The following SCN11A variants were observed in gnomAD, a reference collection of about 807,000 sequenced individuals.
SCN11A encodes the protein sodium channel protein type 11 subunit alpha.
Under a neutral mutation model 162.2 loss-of-function variants are expected in SCN11A, and 122 were observed. The ratio of observed to expected loss-of-function variants is 0.75; its 90% CI spans 0.65 to 0.87. SCN11A has a LOEUF of 0.87. SCN11A is among the 40% of genes least tolerant of loss of function. The pLI, the probability that SCN11A is intolerant of heterozygous loss-of-function variation, is 0.00. For synonymous variants in SCN11A, 758 were observed against 751.5 expected (o/e 1.01, Z -0.14); for missense variants, 2,015 against 2,181.6 (o/e 0.92, Z 1.52).
intron 2 of SCN11A, among the ~76,000 whole-genome samples, chr3:39,012,675 A>C (rs7631187): frequency 0.15 from 23,082 of 151,992 alleles, 3,491 homozygotes; most frequent in African/African-American, 0.39. Context: ...GGGTTTCACC[A>C]TGTTGGCCAG....
intron 4 of SCN11A, among the ~76,000 whole-genome samples, chr3:38,951,628 G>A (rs989189789): frequency 1.3e-5 from 2 of 152,274 alleles, no homozygotes; most frequent in African/African-American, 2.4e-5. Flanking sequence ...GTCTGGTGGG[G>A]ACGTGGAGAG....
intron 4 of SCN11A, among the ~76,000 whole-genome samples, chr3:38,951,236 C>G (rs1260800097): frequency 6.6e-6 from 1 of 152,192 alleles, no homozygotes; most frequent in Non-Finnish European, 1.5e-5. Flanking sequence ...TGGCGGGCGC[C>G]GCACTCGGAG....
chr3:38,907,865 A>G, intron 14 of SCN11A, 84 bp downstream of exon 14: 1 of 1,188,894 alleles, frequency 8.4e-7, no homozygotes. Flanking sequence ...AACTGAATAA[A>G]TGAATTATTT....
chr3:38,900,393 G>C (rs761953703), intron 16 of SCN11A, among the ~76,000 whole-genome samples: 12 of 152,108 alleles, frequency 7.9e-5, no homozygotes, highest in Admixed American at 5.2e-4. Flanking sequence ...CAGGGTGACA[G>C]AGTGTCAGGC....
chr3:38,872,052 C>A, intron 24 of SCN11A, 141 bp downstream of exon 24: 2 of 684,666 alleles, frequency 2.9e-6, no homozygotes, highest in Non-Finnish European at 5.3e-6. Context: ...CTCTACCCCT[C>A]AAATTCTAAG....
At chr3:39,025,437 A>G (rs925141565) in intron 2 of SCN11A, among the ~76,000 whole-genome samples, 26 of 152,222 alleles carry the variant, frequency 1.7e-4, no homozygotes, top group Non-Finnish European at 2.8e-4. Context: ...AGCTGGTTAT[A>G]GTTATTGTTA....
intron 19 of SCN11A, among the ~76,000 whole-genome samples, chr3:38,887,310 C>T (rs1227516091): frequency 6.6e-6 from 1 of 151,846 alleles, no homozygotes; most frequent in African/African-American, 2.4e-5. Flanking sequence ...GCCCCTTCAC[C>T]ACATGGGACA....
chr3:38,949,053 G>A (rs956972640), intron 5 of SCN11A, among the ~76,000 whole-genome samples: 3 of 152,220 alleles, frequency 2.0e-5, no homozygotes, highest in Admixed American at 6.5e-5. Flanking sequence ...CCCAATTGAA[G>A]TACATGCAAA....
intron 7 of SCN11A, among the ~76,000 whole-genome samples, chr3:38,932,209 A>G (rs1276936270): frequency 6.6e-6 from 1 of 152,244 alleles, no homozygotes; most frequent in African/African-American, 2.4e-5. Flanking sequence ...TTTATTATTT[A>G]CAACAAGAAG....
intron 4 of SCN11A, among the ~76,000 whole-genome samples, chr3:38,951,022 C>T (rs979634997): frequency 1.3e-5 from 2 of 152,264 alleles, no homozygotes; most frequent in African/African-American, 4.8e-5. Context: ...GCTCTAGGCG[C>T]CTCCTCTGCC....
chr3:39,040,140 A>G (rs759672252), intron 1 of SCN11A, among the ~76,000 whole-genome samples: 1 of 152,200 alleles, frequency 6.6e-6, no homozygotes, highest in Non-Finnish European at 1.5e-5. Context: ...CTGGCCACCA[A>G]TGGACACTTA....
chr3:38,944,935 C>T (rs1468865129), intron 7 of SCN11A, among the ~76,000 whole-genome samples: 2 of 151,554 alleles, frequency 1.3e-5, no homozygotes, highest in African/African-American at 4.9e-5. Context: ...TGCACTCCAG[C>T]CTGGGCAACA....
chr3:38,895,365 T>A (rs1314128054), intron 18 of SCN11A, among the ~76,000 whole-genome samples: 1 of 152,252 alleles, frequency 6.6e-6, no homozygotes, highest in African/African-American at 2.4e-5. Flanking sequence ...TCAAGCCCAA[T>A]GTACAGTCCT....
At chr3:38,901,454 T>C (rs2065697515) in intron 16 of SCN11A, among the ~76,000 whole-genome samples, 1 of 152,212 alleles carries the variant, frequency 6.6e-6, no homozygotes, top group South Asian at 2.1e-4. Flanking sequence ...TTGTATCTCC[T>C]TTAGGCTTTA....
rs2065111797 is a variant in SCN11A at position 38,870,713 on chromosome 3, T to C, written c.3791A>G (p.Tyr1264Cys). The C allele has an allele frequency of 2.5e-6, 4 of 1,613,480 alleles. No individual in the cohort carries two copies. Among genetic ancestry groups the C allele is most frequent in the Non-Finnish European group, 3.4e-6 (4 of 1,179,616 alleles). ...CACCTCTGTGGAATCAACAGCTGCATATATAATATCCATCCAGCCCTTAAA... is the reference window on the plus strand; with the variant it reads ...CACCTCTGTGGAATCAACAGCTGCACATATAATATCCATCCAGCCCTTAAA... ...ATFKGWMDIIYAAVDSTEKEQ... is the reference protein window; with the variant it reads ...ATFKGWMDIICAAVDSTEKEQ... Residue 1264 changes from tyrosine (Y) to cysteine (C), a missense_variant, in exon 26 of 30, where the codon TAT (tyrosine) becomes TGT (cysteine). Coordinates refer to ENST00000302328, the MANE Select transcript of SCN11A (RefSeq NM_001349253.2).
chr3:38,895,547 G>A (rs751506753), intron 18 of SCN11A, among the ~76,000 whole-genome samples: 2 of 152,038 alleles, frequency 1.3e-5, no homozygotes, highest in Admixed American at 6.6e-5. Flanking sequence ...TTCCTACCTG[G>A]GTTCTTTGCT....
At chr3:38,869,273 C>T (rs575620633) in intron 26 of SCN11A, among the ~76,000 whole-genome samples, 1 of 152,316 alleles carries the variant, frequency 6.6e-6, no homozygotes, top group African/African-American at 2.4e-5. Flanking sequence ...CACTCCCCAT[C>T]TCCACCTCCG....
intron 26 of SCN11A, among the ~76,000 whole-genome samples, chr3:38,868,406 C>T (rs915758943): frequency 4.6e-5 from 7 of 152,128 alleles, no homozygotes; most frequent in African/African-American, 1.7e-4. Context: ...ACAGAAACAA[C>T]GTAATGGAAA....
In SCN11A at chr3:38,871,477, C is replaced by T. The variant is rs775046299; in HGVS notation, c.3727G>A (p.Val1243Met). 6.2e-7 allele frequency: 1 copy of T among 1,612,020 alleles called. No homozygotes were observed. The change falls in exon 25 of 30, where the codon GTG (valine) becomes ATG (methionine). Residue 1243 changes from valine (V) to methionine (M), a missense_variant. Physicochemically the swap from Val to Met is conservative, Grantham distance 21 (BLOSUM62 1). Coordinates refer to ENST00000302328, the MANE Select transcript of SCN11A (RefSeq NM_001349253.2). ...WINQKVNFDN[V>M]GNAYLALLQV... ...AGCAGAGCGAGGTAAGCATTTCCCA[C>T]ATTGTCAAAGTTGACTTTCTGGTTG...
Sources: gnomAD v4.1 joint callset for allele counts (sites outside exome capture counted in the v4.1 genomes callset) on GRCh38, gnomAD v4.1.1 for gene constraint, MANE v1.5 for transcripts, NCBI Gene and HGNC (gene_info 2026-07-23, HGNC 2026-07-21) for gene names.